FRMD4A: variants seen among roughly 807,000 people sequenced by gnomAD.
The protein encoded by FRMD4A is FERM domain containing 4A.
A neutral mutation model predicts 129.1 loss-of-function variants in FRMD4A; 29 were observed. The ratio of observed to expected loss-of-function variants is 0.22; its 90% CI spans 0.17 to 0.31. The LOEUF (loss-of-function observed/expected upper bound fraction) is 0.31. Among genes scored for constraint, FRMD4A ranks in the 10% least tolerant of loss-of-function variants. The probability of loss-of-function intolerance (pLI) is 1.00; values close to 1 mark genes in which losing one functional copy is unlikely to be tolerated. For synonymous variants in FRMD4A, 634 were observed against 571.6 expected (o/e 1.11, Z -1.56); for missense variants, 1,272 against 1,375.8 (o/e 0.92, Z 1.19).
Position 14,092,731 on chromosome 10 carries a change from T to A in FRMD4A, c.46-233819A>T, listed in dbSNP as rs113783209. Among the ~76,000 whole-genome samples, 678 of 152,306 alleles carry A rather than the reference T, an allele frequency of 4.5e-3. 11 individuals are homozygous for A. Among genetic ancestry groups the A allele is most frequent in the African/African-American group, 0.016 (646 of 41,576 alleles). On this transcript the variant is annotated intron_variant, in intron 2 of 24. Transcript: ENST00000357447. ...GGTGATACTCAGCAATTCACAGGCA[T>A]GTGGCTGGCACTCGAGGAGGGAGTC... is the stretch of plus-strand genomic sequence containing the variant.
At chr10:13,934,165 G>T (rs2095228650) in intron 2 of FRMD4A, among the ~76,000 whole-genome samples, 1 of 152,204 alleles carries the variant, frequency 6.6e-6, no homozygotes, top group East Asian at 1.9e-4. Context: ...GAACATAGAA[G>T]GAGCCTTGGA....
intron 2 of FRMD4A, among the ~76,000 whole-genome samples, chr10:14,186,204 C>G (rs1271554278): frequency 2.0e-5 from 3 of 150,476 alleles, no homozygotes; most frequent in Non-Finnish European, 3.0e-5. Context: ...TATGGGATAA[C>G]AAAACAGGCT....
At chr10:14,286,979 T>C (rs967051110) in intron 2 of FRMD4A, among the ~76,000 whole-genome samples, 1 of 152,126 alleles carries the variant, frequency 6.6e-6, no homozygotes, top group African/African-American at 2.4e-5. Context: ...AACAACACAT[T>C]TGCATTCTCA....
At chr10:13,993,834 G>A (rs1248492633) in intron 2 of FRMD4A, among the ~76,000 whole-genome samples, 3 of 127,556 alleles carry the variant, frequency 2.4e-5, no homozygotes, top group African/African-American at 9.3e-5. Context: ...TGACCTGTCA[G>A]AATAGGTTTT....
intron 2 of FRMD4A, among the ~76,000 whole-genome samples, chr10:14,042,496 C>G (rs1352140728): frequency 6.6e-6 from 1 of 152,106 alleles, no homozygotes; most frequent in Non-Finnish European, 1.5e-5. Flanking sequence ...CGAATGTACC[C>G]TTTCTGCAGA....
At chr10:14,046,179 T>G (rs1480006883) in intron 2 of FRMD4A, among the ~76,000 whole-genome samples, 1 of 152,112 alleles carries the variant, frequency 6.6e-6, no homozygotes, top group Non-Finnish European at 1.5e-5. Context: ...CTTTGATATA[T>G]TCTATCATGC....
At chr10:13,771,477 T>C (rs557571021) in intron 6 of FRMD4A, among the ~76,000 whole-genome samples, 1 of 152,354 alleles carries the variant, frequency 6.6e-6, no homozygotes, top group Admixed American at 6.5e-5. Flanking sequence ...TTGTTCTCAG[T>C]GCAGTGTAGG....
intron 2 of FRMD4A, among the ~76,000 whole-genome samples, chr10:14,161,887 T>C (rs1258036164): frequency 6.6e-6 from 1 of 152,154 alleles, no homozygotes; most frequent in African/African-American, 2.4e-5. Flanking sequence ...TTACACATTG[T>C]ATGTATCAAA....
At chr10:13,681,616 C>G (rs2084601992) in intron 15 of FRMD4A, among the ~76,000 whole-genome samples, 1 of 152,078 alleles carries the variant, frequency 6.6e-6, no homozygotes, top group Admixed American at 6.6e-5. Context: ...AGGCAACACT[C>G]AGATTTATTA....
chr10:13,818,153 T>G (rs1226011614), intron 3 of FRMD4A, among the ~76,000 whole-genome samples: 2 of 152,070 alleles, frequency 1.3e-5, no homozygotes, highest in African/African-American at 4.8e-5. Flanking sequence ...TACTAAGACA[T>G]TATTTATGTT....
At chr10:13,933,158 C>CA (rs55912279) in intron 2 of FRMD4A, among the ~76,000 whole-genome samples, 155 of 144,330 alleles carry the variant, frequency 1.1e-3, no homozygotes, top group Middle Eastern at 3.6e-3. Flanking sequence ...AACTCTGTCT[C>CA]AAAAAAAAAA....
intron 2 of FRMD4A, among the ~76,000 whole-genome samples, chr10:14,218,095 G>T (rs1330442492): frequency 2.0e-5 from 3 of 152,164 alleles, no homozygotes; most frequent in African/African-American, 7.2e-5. Flanking sequence ...CTCCCAAAGT[G>T]CTGGGATTAT....
chr10:14,302,318 C>G (rs910011359), intron 2 of FRMD4A, among the ~76,000 whole-genome samples: 4 of 152,122 alleles, frequency 2.6e-5, no homozygotes, highest in Non-Finnish European at 4.4e-5. Context: ...CAAGCAGAGC[C>G]AAGCTGGACT....
intron 24 of FRMD4A, among the ~76,000 whole-genome samples, chr10:13,650,677 A>C (rs1056415922): frequency 6.6e-6 from 1 of 152,110 alleles, no homozygotes; most frequent in African/African-American, 2.4e-5. Flanking sequence ...TCCCTGTCCT[A>C]ATTGCCCATC....
At chr10:13,748,144 G>A (rs1377626504) in intron 8 of FRMD4A, among the ~76,000 whole-genome samples, 2 of 152,104 alleles carry the variant, frequency 1.3e-5, no homozygotes, top group Non-Finnish European at 2.9e-5. Flanking sequence ...AGGAATTTGG[G>A]GAGAAGAAGT....
intron 3 of FRMD4A, among the ~76,000 whole-genome samples, chr10:13,837,341 G>T (rs1388339130): frequency 6.6e-6 from 1 of 152,210 alleles, no homozygotes; most frequent in Non-Finnish European, 1.5e-5. Context: ...GCCGAGCCCA[G>T]CAAGGTTCAG....
chr10:14,279,080 A>C (rs1564435923), intron 2 of FRMD4A, among the ~76,000 whole-genome samples: 1 of 152,012 alleles, frequency 6.6e-6, no homozygotes, highest in Non-Finnish European at 1.5e-5. Flanking sequence ...AGTCCATTGC[A>C]GTGAACCTGA....
chr10:13,694,709 G>A (rs1393576556), intron 14 of FRMD4A, among the ~76,000 whole-genome samples: 1 of 152,156 alleles, frequency 6.6e-6, no homozygotes, highest in African/African-American at 2.4e-5. Flanking sequence ...AGGTGTGGTA[G>A]TGCATGCCTG....
chr10:14,280,624 T>C (rs1480548895), intron 2 of FRMD4A, among the ~76,000 whole-genome samples: 1 of 152,240 alleles, frequency 6.6e-6, no homozygotes, highest in Non-Finnish European at 1.5e-5. Flanking sequence ...CTGGATTTTG[T>C]CCTTCTGTCT....
Sources: gnomAD v4.1 joint callset for allele counts (sites outside exome capture counted in the v4.1 genomes callset) on GRCh38, gnomAD v4.1.1 for gene constraint, MANE v1.5 for transcripts, NCBI Gene and HGNC (gene_info 2026-07-23, HGNC 2026-07-21) for gene names.